Variants in FAM135B observed in about 807,000 individuals in gnomAD.
FAM135B encodes the protein protein FAM135B.
In FAM135B, 43 loss-of-function variants were observed where a neutral mutation model predicts 127.7. The ratio of observed to expected loss-of-function variants is 0.34; its 90% confidence interval spans 0.26 to 0.43. The LOEUF (loss-of-function observed/expected upper bound fraction) is 0.43, where lower values mean the gene tolerates loss of function less well. Among genes scored for constraint, FAM135B ranks in the 20% least tolerant of loss-of-function variants. The pLI is 1.00. For missense variants in FAM135B, 1,558 were observed against 1,725.6 expected (o/e 0.90, Z 1.72); for synonymous variants, 670 against 665.1 (o/e 1.01, Z -0.11).
chr8:138,235,244 G>A (rs1820181944), intron 7 of FAM135B, among the ~76,000 whole-genome samples: 1 of 152,108 alleles, frequency 6.6e-6, no homozygotes, highest in Admixed American at 6.5e-5. Flanking sequence ...AGAAACTAAT[G>A]AGCACCAAGG....
chr8:138,324,614 C>T (rs1827674540), intron 2 of FAM135B, among the ~76,000 whole-genome samples: 3 of 152,198 alleles, frequency 2.0e-5, no homozygotes, highest in Admixed American at 1.3e-4. Flanking sequence ...CCACTATGCT[C>T]ACCGCTCCTA....
At chr8:138,168,655 A>G (rs1273336062) in intron 11 of FAM135B, among the ~76,000 whole-genome samples, 1 of 152,220 alleles carries the variant, frequency 6.6e-6, no homozygotes, top group Non-Finnish European at 1.5e-5. Flanking sequence ...TTCCATCAAC[A>G]GGAATTCAAT....
At chr8:138,433,206 A>G (rs1033207854) in intron 1 of FAM135B, among the ~76,000 whole-genome samples, 8 of 152,146 alleles carry the variant, frequency 5.3e-5, no homozygotes, top group African/African-American at 1.7e-4. Context: ...TATTTTATAT[A>G]TATCTTTAAT....
intron 9 of FAM135B, among the ~76,000 whole-genome samples, chr8:138,189,264 C>T (rs1445413563): frequency 2.0e-5 from 3 of 152,164 alleles, no homozygotes; most frequent in Non-Finnish European, 4.4e-5. Context: ...ATTATCTTCC[C>T]GCTCCATGCC....
intron 2 of FAM135B, among the ~76,000 whole-genome samples, chr8:138,335,950 A>G (rs1828546818): frequency 6.6e-6 from 1 of 152,154 alleles, no homozygotes; most frequent in African/African-American, 2.4e-5. Context: ...GGATTAAGAA[A>G]CTCACTCAAA....
At chr8:138,353,869 C>A (rs572690609) in intron 2 of FAM135B, among the ~76,000 whole-genome samples, 2 of 152,108 alleles carry the variant, frequency 1.3e-5, no homozygotes, top group Non-Finnish European at 2.9e-5. Context: ...AGATTCTCAC[C>A]TGGCCTCTGC....
intron 1 of FAM135B, among the ~76,000 whole-genome samples, chr8:138,408,717 A>G (rs942949862): frequency 2.0e-5 from 3 of 152,178 alleles, no homozygotes; most frequent in South Asian, 2.1e-4. Flanking sequence ...GCAAGAGCAC[A>G]GGGGAACTGC....
In FAM135B at chr8:138,132,222, A is replaced by T; in HGVS notation, c.*371T>A. ...CTTAATCAGAAATGATAAAGCTATA[A>T]GCTAGTAACATATTCGGCAAGTCTA... On this transcript the variant is annotated 3_prime_UTR_variant, in exon 20 of 20. Coordinates refer to ENST00000395297, the MANE Select transcript of FAM135B (RefSeq NM_015912.4). The surrounding 1 kb of genome is among the most constrained non-coding windows in gnomAD (Gnocchi z 4.5). The T allele has an allele frequency of 8.4e-6, 2 of 237,672 alleles. No individual in the cohort carries two copies. The highest frequency in any genetic ancestry group is 1.3e-4 in the South Asian group (2 of 15,598). 14.7% of individuals were successfully genotyped at this position (237,672 alleles called of 1,614,324 possible). A position where few individuals can be genotyped will look rare whatever the true frequency, so the allele number is the denominator to read the frequency against.
At chr8:138,185,631 C>T (rs4520207) in intron 9 of FAM135B, among the ~76,000 whole-genome samples, 59,464 of 151,996 alleles carry the variant, frequency 0.39, 11,802 homozygotes, top group East Asian at 0.42. Flanking sequence ...CATTAGTAGT[C>T]CCTGCTAGGA....
intron 3 of FAM135B, among the ~76,000 whole-genome samples, chr8:138,282,977 T>C (rs982955078): frequency 6.6e-6 from 1 of 151,346 alleles, no homozygotes; most frequent in Non-Finnish European, 1.5e-5. Flanking sequence ...CTCGGCTTAC[T>C]GCAACCTCCG....
chr8:138,263,253 C>T (rs910834951), intron 4 of FAM135B, among the ~76,000 whole-genome samples: 20 of 152,256 alleles, frequency 1.3e-4, no homozygotes, highest in East Asian at 1.9e-4. Context: ...GGTCCGTACC[C>T]GTGGCTATCA....
chr8:138,218,804 G>GA (rs1491461853), intron 7 of FAM135B, among the ~76,000 whole-genome samples: 761 of 21,132 alleles, frequency 0.036, 12 homozygotes, highest in African/African-American at 0.076. Flanking sequence ...GAGAGAGAGA[G>GA]GGAGAGAAAG....
chr8:138,398,978 A>G (rs1832997124), intron 1 of FAM135B, among the ~76,000 whole-genome samples: 1 of 152,242 alleles, frequency 6.6e-6, no homozygotes, highest in South Asian at 2.1e-4. Context: ...TTAGGATTCT[A>G]GAACAGAGCT....
intron 3 of FAM135B, among the ~76,000 whole-genome samples, chr8:138,303,944 A>T (rs1204821366): frequency 6.6e-6 from 1 of 152,236 alleles, no homozygotes; most frequent in Non-Finnish European, 1.5e-5. Flanking sequence ...AGGTTTGGCC[A>T]ACTTCAAACC....
At chr8:138,307,050 A>G (rs1046351602) in intron 3 of FAM135B, among the ~76,000 whole-genome samples, 6 of 152,144 alleles carry the variant, frequency 3.9e-5, no homozygotes, top group African/African-American at 1.4e-4. Context: ...ATGTTCAGCA[A>G]CATCCCTCCT....
Position 138,242,999 on chromosome 8 carries a change from G to A in FAM135B, c.612C>T (p.Ile204=), listed in dbSNP as rs2130384123. Residue 204 remains isoleucine, a synonymous_variant, in exon 7 of 20, where the codon ATC becomes ATT. Coordinates refer to ENST00000395297, the MANE Select transcript of FAM135B (RefSeq NM_015912.4). This position sits in a 1 kb window ranked among gnomAD's most constrained non-coding sequence, Gnocchi z 9.6. ...CAAAGACCAAGTTTTCCAGAGAAAT[G>A]ATAGACTGTTCTTGTCCGGTGTCTG... is the stretch of plus-strand genomic sequence containing the variant. ...GGPDTGQEQS[I]ISLENLVFGA... The A allele has an allele frequency of 6.2e-7, 1 of 1,613,998 alleles. No homozygotes were observed. Among genetic ancestry groups the A allele is most frequent in the Non-Finnish European group, 8.5e-7 (1 of 1,179,942 alleles).
At chr8:138,457,990 AAG>A (rs1554698832) in intron 1 of FAM135B, among the ~76,000 whole-genome samples, 2 of 149,666 alleles carry the variant, frequency 1.3e-5, no homozygotes, top group Non-Finnish European at 3.0e-5. Context: ...AAAAAAAAAA[AAG>A]AGAGAGAAAA....
At chr8:138,381,160 T>C (rs1319443806) in intron 1 of FAM135B, among the ~76,000 whole-genome samples, 1 of 152,154 alleles carries the variant, frequency 6.6e-6, no homozygotes, top group Non-Finnish European at 1.5e-5. Context: ...GATCATAATC[T>C]AAATCCTTAG....
At chr8:138,378,195 G>A (rs1231634928) in intron 1 of FAM135B, among the ~76,000 whole-genome samples, 1 of 152,192 alleles carries the variant, frequency 6.6e-6, no homozygotes, top group Non-Finnish European at 1.5e-5. Context: ...GATAGGACCT[G>A]AGCAGAGAAA....
Sources: gnomAD v4.1 joint callset for allele counts (sites outside exome capture counted in the v4.1 genomes callset) on GRCh38, gnomAD v4.1.1 for gene constraint, Gnocchi (gnomAD v3.1) non-coding constraint, MANE v1.5 for transcripts, NCBI Gene and HGNC (gene_info 2026-07-23, HGNC 2026-07-21) for gene names.